HMOX1: variants seen among roughly 807,000 people sequenced by gnomAD.
The protein encoded by HMOX1 is heat shock protein, 32-kD.
A neutral mutation model predicts 27.8 loss-of-function variants in HMOX1; 22 were observed. That is an observed-to-expected ratio of 0.79 (90% confidence interval 0.57 to 1.13). The LOEUF is 1.13. Ranked by LOEUF, HMOX1 falls within the 50% of genes most tolerant of loss-of-function variation. The probability of loss-of-function intolerance (pLI) is 0.00; values close to 1 mark genes in which losing one functional copy is unlikely to be tolerated. For missense variants in HMOX1, 379 were observed against 377.7 expected (o/e 1.00, Z -0.03); for synonymous variants, 153 against 151.6 (o/e 1.01, Z -0.07).
chr22:35,383,104 A>G lies in HMOX1; in HGVS notation c.24-2A>G. Reference sequence around the variant, plus strand: ...TGTTCACCTTTCCCATTTCCTCCTCAGCATGCCCCAGGATTTGTCAGAGGC... The same window carrying G: ...TGTTCACCTTTCCCATTTCCTCCTCGGCATGCCCCAGGATTTGTCAGAGGC... On this transcript the variant is annotated splice_acceptor_variant, in intron 1 of 4. Coordinates refer to ENST00000216117, the MANE Select transcript of HMOX1 (RefSeq NM_002133.3). LOFTEE classifies it high-confidence loss of function. 2 of 1,613,422 alleles carry G rather than the reference A, an allele frequency of 1.2e-6. No individual in the cohort carries two copies. The highest frequency in any genetic ancestry group is 1.1e-5 in the South Asian group (1 of 91,062).
chr22:35,391,973 C>T (rs1431648135), intron 4 of HMOX1, among the ~76,000 whole-genome samples: 1 of 151,386 alleles, frequency 6.6e-6, no homozygotes, highest in Non-Finnish European at 1.5e-5. Flanking sequence ...GCCTGTAATC[C>T]CAGCACTTTG....
intron 1 of HMOX1, among the ~76,000 whole-genome samples, chr22:35,381,897 G>A (rs779309872): frequency 6.6e-6 from 1 of 152,082 alleles, no homozygotes. Flanking sequence ...AGGGAAGCAG[G>A]GCAGGAGAAA....
chr22:35,388,084 T>C (rs1014355960), intron 3 of HMOX1, among the ~76,000 whole-genome samples: 1 of 151,800 alleles, frequency 6.6e-6, no homozygotes, highest in Non-Finnish European at 1.5e-5. Context: ...AGCAACATGG[T>C]GAGACCCTGT....
In HMOX1 at chr22:35,387,125, C is replaced by T. The variant is rs763574961; in HGVS notation, c.585C>T (p.Val195=). The T allele has an allele frequency of 2.5e-6, 4 of 1,613,612 alleles. No homozygotes were observed. The highest frequency in any genetic ancestry group is 1.3e-5 in the African/African-American group (1 of 75,078). ...ACTCCCTGGAGATGACTCCCGCAGT[C>T]AGGCAGAGGGTGATAGAAGAGGCCA... ...RMNSLEMTPA[V]RQRVIEEAKT... The change falls in exon 3 of 5, where the codon GTC becomes GTT. Residue 195 remains valine (V), a synonymous_variant. Coordinates refer to ENST00000216117, the MANE Select transcript of HMOX1 (RefSeq NM_002133.3).
In HMOX1 at chr22:35,386,794, G is replaced by A. The variant is rs766527808; in HGVS notation, c.254G>A (p.Arg85His). The A allele has an allele frequency of 1.3e-5, 21 of 1,614,196 alleles. No individual in the cohort carries two copies. The Admixed American group carries it at 2.0e-4, about 15-fold the overall frequency. The change falls in exon 3 of 5, where the codon CGC (arginine) becomes CAC (histidine). Residue 85 changes from arginine (R) to histidine (H), a missense_variant. Transcript: ENST00000216117. ...APVYFPEELHRKAALEQDLAF... is the reference protein window; with the variant it reads ...APVYFPEELHHKAALEQDLAF... ...GTCTACTTCCCAGAAGAGCTGCACC[G>A]CAAGGCTGCCCTGGAGCAGGACCTG...
At chr22:35,387,534 G>A (rs1391368249) in intron 3 of HMOX1, among the ~76,000 whole-genome samples, 3 of 152,250 alleles carry the variant, frequency 2.0e-5, no homozygotes, top group African/African-American at 7.2e-5. Flanking sequence ...ACAACAGTCT[G>A]TGGCAATGTA....
intron 3 of HMOX1, among the ~76,000 whole-genome samples, chr22:35,388,728 C>T (rs1220538403): frequency 2.0e-5 from 3 of 150,512 alleles, no homozygotes; most frequent in South Asian, 2.2e-4. Flanking sequence ...ACCCGGGAGG[C>T]GGAGCTTGCA....
intron 2 of HMOX1, 43 bp downstream of exon 2, chr22:35,383,269 G>C: frequency 6.2e-7 from 1 of 1,607,066 alleles, no homozygotes; most frequent in Non-Finnish European, 8.5e-7. Context: ...GGGTGTGGCA[G>C]GTGTGGGTGG....
At position 35,389,879 on chromosome 22, in the gene HMOX1, C is replaced by G. The variant is rs1352922801; in HGVS notation, c.652C>G (p.Gln218Glu). The change falls in exon 4 of 5, where the codon CAG (glutamine) becomes GAG (glutamate). Residue 218 changes from glutamine (Q) to glutamate (E), a missense_variant. Transcript: ENST00000216117. The stretch of plus-strand genomic sequence containing the variant: ...TGTCTTTTAGCTCTTTGAGGAGTTG[C>G]AGGAGCTGCTGACCCATGACACCAA... ...LLNIQLFEEL[Q>E]ELLTHDTKDQ... The G allele has an allele frequency of 1.2e-6, 2 of 1,609,306 alleles. No homozygotes were observed. Among genetic ancestry groups the G allele is most frequent in the Non-Finnish European group, 1.7e-6 (2 of 1,178,462 alleles).
At chr22:35,391,585 CCTTTTTTTTT>C (rs1269299496) in intron 4 of HMOX1, among the ~76,000 whole-genome samples, 9 of 112,464 alleles carry the variant, frequency 8.0e-5, no homozygotes, top group Non-Finnish European at 1.7e-5. Flanking sequence ...CCGCGCCCGG[CCTTTTTTTTT>C]TTTTTTTTTT....
At chr22:35,387,844 G>A (rs921044741) in intron 3 of HMOX1, among the ~76,000 whole-genome samples, 2 of 152,222 alleles carry the variant, frequency 1.3e-5, no homozygotes, top group South Asian at 2.1e-4. Flanking sequence ...ACTCCCAGCC[G>A]TGGATTGCAG....
At chr22:35,389,289 CTTCTTTCTTCTTTCTT>C (rs1931611010) in intron 3 of HMOX1, among the ~76,000 whole-genome samples, 1 of 102,970 alleles carries the variant, frequency 9.7e-6, no homozygotes, top group African/African-American at 5.7e-5. Flanking sequence ...CTCTCTCTCT[CTTCTTTCTTCTTTCTT>C]TCTTTCTTTC....
In HMOX1 at chr22:35,387,120, G is replaced by A. The variant is rs775119762; in HGVS notation, c.580G>A (p.Ala194Thr). The A allele has an allele frequency of 1.8e-5, 29 of 1,613,426 alleles. No individual in the cohort carries two copies. The highest frequency in any genetic ancestry group is 1.3e-4 in the East Asian group (6 of 44,890). The change falls in exon 3 of 5, where the codon GCA (alanine) becomes ACA (threonine). Residue 194 changes from alanine (A) to threonine (T), a missense_variant. Physicochemically the swap from Ala to Thr is moderately conservative, Grantham distance 58. Coordinates refer to ENST00000216117, the MANE Select transcript of HMOX1 (RefSeq NM_002133.3). ...SRMNSLEMTP[A>T]VRQRVIEEAK... ...CATGAACTCCCTGGAGATGACTCCC[G>A]CAGTCAGGCAGAGGGTGATAGAAGA...
intron 3 of HMOX1, among the ~76,000 whole-genome samples, chr22:35,387,416 GTGAA>G (rs1436057876): frequency 2.0e-5 from 3 of 152,252 alleles, no homozygotes; most frequent in African/African-American, 7.2e-5. Flanking sequence ...TAAGGCTTGA[GTGAA>G]TTTACAGCAG....
chr22:35,393,578 GT>G lies in HMOX1; in HGVS notation c.848del (p.Val283GlufsTer76), dbSNP rs750360966. Reference sequence around the variant, plus strand: ...CAGCTTTCTGGTGGCGACAGTTGCTGTAGGGCTTTATGCCATGTGAATGCAG... The same window carrying G: ...CAGCTTTCTGGTGGCGACAGTTGCTGAGGGCTTTATGCCATGTGAATGCAG... ...TLSFLVATVA[V>X]GLYAM On this transcript the variant is annotated frameshift_variant, in exon 5 of 5. Coordinates refer to ENST00000216117, the MANE Select transcript of HMOX1 (RefSeq NM_002133.3). LOFTEE classifies it high-confidence loss of function. The G allele has an allele frequency of 6.2e-7, 1 of 1,614,224 alleles. No individual in the cohort carries two copies. The highest frequency in any genetic ancestry group is 8.5e-7 in the Non-Finnish European group (1 of 1,180,036).
At chr22:35,383,854 G>A (rs1931444474) in intron 2 of HMOX1, among the ~76,000 whole-genome samples, 1 of 152,100 alleles carries the variant, frequency 6.6e-6, no homozygotes, top group Admixed American at 6.5e-5. Context: ...TACTGATTTT[G>A]CTGTTTCCCA....
At chr22:35,388,316 G>C (rs1931557692) in intron 3 of HMOX1, among the ~76,000 whole-genome samples, 1 of 151,872 alleles carries the variant, frequency 6.6e-6, no homozygotes, top group Non-Finnish European at 1.5e-5. Context: ...GCCAGACATA[G>C]TAGCGTGCAC....
At position 35,386,838 on chromosome 22, in the gene HMOX1, C is replaced by T. The variant is rs773781083; in HGVS notation, c.298C>T (p.Arg100Cys). 2.1e-5 allele frequency: 34 copies of T among 1,614,058 alleles called. No individual in the cohort carries two copies. Among genetic ancestry groups the T allele is most frequent in the African/African-American group, 2.7e-5 (2 of 74,932 alleles). The change falls in exon 3 of 5, where the codon CGC (arginine) becomes TGC (cysteine). Residue 100 changes from arginine to cysteine, a missense_variant. Transcript: ENST00000216117. Reference sequence around the variant, plus strand: ...GGACCTGGCCTTCTGGTACGGGCCCCGCTGGCAGGAGGTCATCCCCTACAC... The same window carrying T: ...GGACCTGGCCTTCTGGTACGGGCCCTGCTGGCAGGAGGTCATCCCCTACAC... Reference protein sequence around the residue: ...EQDLAFWYGPRWQEVIPYTPA... With the variant: ...EQDLAFWYGPCWQEVIPYTPA...
At chr22:35,389,463 T>G (rs1287227256) in intron 3 of HMOX1, among the ~76,000 whole-genome samples, 1 of 142,984 alleles carries the variant, frequency 7.0e-6, no homozygotes, top group Non-Finnish European at 1.5e-5. Context: ...CTTTCTTTCT[T>G]GCAGAGTCTC....
Sources: gnomAD v4.1 joint callset for allele counts (sites outside exome capture counted in the v4.1 genomes callset) on GRCh38, gnomAD v4.1.1 for gene constraint, MANE v1.5 for transcripts, NCBI Gene and HGNC (gene_info 2026-07-23, HGNC 2026-07-21) for gene names.